Variants in CSMD3 observed in about 807,000 individuals in gnomAD.
The protein encoded by CSMD3 is CUB and sushi domain-containing protein 3.
CSMD3 carries 177 observed loss-of-function variants against 435.2 expected under a neutral mutation model. That is an observed-to-expected ratio of 0.41 (90% CI 0.36 to 0.46). The LOEUF is 0.46. CSMD3 is among the 20% of genes least tolerant of loss of function. The pLI, the probability that CSMD3 is intolerant of heterozygous loss-of-function variation, is 0.34. For missense variants in CSMD3, 4,265 were observed against 4,504.6 expected (o/e 0.95, Z 1.52); for synonymous variants, 1,656 against 1,520.5 (o/e 1.09, Z -2.07).
At chr8:113,060,574 C>T (rs1183704824) in intron 5 of CSMD3, among the ~76,000 whole-genome samples, 3 of 152,172 alleles carry the variant, frequency 2.0e-5, no homozygotes, top group East Asian at 3.9e-4. Context: ...TATAGTAATA[C>T]TTCTCCTTTA....
In CSMD3 at chr8:112,287,236, A is replaced by G. The variant is rs147090926; in HGVS notation, c.9159T>C (p.Thr3053=). 6.2e-7 allele frequency: 1 copy of G among 1,613,630 alleles called. No homozygotes were observed. Among genetic ancestry groups the G allele is most frequent in the Non-Finnish European group, 8.5e-7 (1 of 1,179,714 alleles). Residue 3053 remains threonine (T), a synonymous_variant, in exon 58 of 71, where the codon ACT becomes ACC. Transcript: ENST00000297405. ...GAGTACCTGGATCGCCACATGTCCC[A>G]GTAGCATCACCTGCAATGCAGTACA... The part of the protein sequence containing the change: ...GSQPHCSGDA[T]GTCGDPGTPG...
chr8:113,097,149 A>G (rs1377290574), intron 5 of CSMD3, among the ~76,000 whole-genome samples: 2 of 152,094 alleles, frequency 1.3e-5, no homozygotes, highest in East Asian at 1.9e-4. Context: ...TGACAGAAAC[A>G]AAGAAGTAAA....
At chr8:112,668,490 A>G (rs2075578927) in intron 16 of CSMD3, among the ~76,000 whole-genome samples, 1 of 152,182 alleles carries the variant, frequency 6.6e-6, no homozygotes, top group South Asian at 2.1e-4. Context: ...AGAATTAAAA[A>G]GTAAAGTACT....
At position 112,335,524 on chromosome 8, in the gene CSMD3, A is replaced by G. The variant is rs766767639; in HGVS notation, c.7020-50T>C. ...AGGAGAGATCAAGATTGATTGTGGA[A>G]GTAGTTTTGAACCGTATTTAATAAA... On this transcript the variant is annotated intron_variant, in intron 44 of 70. Coordinates refer to ENST00000297405, the MANE Select transcript of CSMD3 (RefSeq NM_198123.2). 5 of 1,542,056 alleles carry G rather than the reference A, an allele frequency of 3.2e-6. No individual in the cohort carries two copies. The Admixed American group carries it at 8.4e-5, about 26-fold the overall frequency.
chr8:112,977,471 T>C (rs957934980), intron 6 of CSMD3, among the ~76,000 whole-genome samples: 1 of 152,072 alleles, frequency 6.6e-6, no homozygotes, highest in Non-Finnish European at 1.5e-5. Context: ...TCTGCCTTTT[T>C]TATTTTCCTC....
intron 1 of CSMD3, among the ~76,000 whole-genome samples, chr8:113,415,772 G>A (rs529019233): frequency 6.6e-6 from 1 of 152,120 alleles, no homozygotes; most frequent in African/African-American, 2.4e-5. Context: ...GTCATATGCA[G>A]CAGCTGCTTC....
rs1203910909 is a variant in CSMD3, at chr8:112,295,893, A to G, written c.8554T>C (p.Ser2852Pro). 2 of 1,613,996 alleles carry G rather than the reference A, an allele frequency of 1.2e-6. No individual in the cohort carries two copies. Among genetic ancestry groups the G allele is most frequent in the Admixed American group, 1.7e-5 (1 of 60,018 alleles). ...TCCTGTTGACATATCCTCACTGAAG[A>G]ACCAATCAATCGAAAACCAGGATTA... ...QCNPGFRLIG[S>P]SVRICQQDHN... Residue 2852 changes from serine (S) to proline (P), a missense_variant, in exon 54 of 71, where the codon TCT becomes CCT. Coordinates refer to ENST00000297405, the MANE Select transcript of CSMD3 (RefSeq NM_198123.2).
chr8:113,051,665 G>A (rs557230781), intron 5 of CSMD3, among the ~76,000 whole-genome samples: 1 of 152,214 alleles, frequency 6.6e-6, no homozygotes, highest in East Asian at 1.9e-4. Context: ...TGCTACATTT[G>A]TGATAAAGAC....
chr8:112,958,491 G>C (rs1389678602), intron 7 of CSMD3, among the ~76,000 whole-genome samples: 1 of 152,114 alleles, frequency 6.6e-6, no homozygotes, highest in Non-Finnish European at 1.5e-5. Flanking sequence ...TTGTATTAGA[G>C]TAGTTTTAAG....
At chr8:113,326,946 G>GA (rs1421845535) in intron 1 of CSMD3, among the ~76,000 whole-genome samples, 1 of 152,092 alleles carries the variant, frequency 6.6e-6, no homozygotes, top group East Asian at 1.9e-4. Flanking sequence ...AATTAACTCA[G>GA]AAAGTAAAAA....
chr8:112,828,226 A>C (rs2079756353), intron 12 of CSMD3, among the ~76,000 whole-genome samples: 1 of 152,192 alleles, frequency 6.6e-6, no homozygotes, highest in African/African-American at 2.4e-5. Flanking sequence ...GTGCAACAAA[A>C]ATGCTGATCA....
chr8:113,243,428 G>A (rs2093241300), intron 3 of CSMD3, among the ~76,000 whole-genome samples: 1 of 152,004 alleles, frequency 6.6e-6, no homozygotes, highest in South Asian at 2.1e-4. Flanking sequence ...GTTGTAGCAA[G>A]TATCAGTGTG....
intron 9 of CSMD3, among the ~76,000 whole-genome samples, chr8:112,936,095 A>G (rs1444291993): frequency 1.3e-5 from 2 of 152,120 alleles, no homozygotes; most frequent in East Asian, 3.9e-4. Flanking sequence ...ATGCTAATAT[A>G]GTCTGTTGTC....
chr8:112,313,382 A>G (rs1215028662), intron 49 of CSMD3, among the ~76,000 whole-genome samples: 2 of 152,142 alleles, frequency 1.3e-5, no homozygotes, highest in Admixed American at 6.5e-5. Flanking sequence ...TCACAAATAG[A>G]TGGATAAAAA....
chr8:112,779,487 C>T (rs955861082), intron 13 of CSMD3, among the ~76,000 whole-genome samples: 7 of 151,890 alleles, frequency 4.6e-5, no homozygotes, highest in Admixed American at 1.3e-4. Context: ...ATGGCTTTGC[C>T]TACTGGACCA....
chr8:112,343,113 T>C (rs1825337026), intron 41 of CSMD3, among the ~76,000 whole-genome samples: 1 of 149,628 alleles, frequency 6.7e-6, no homozygotes, highest in Admixed American at 6.7e-5. Context: ...TAATCAAGTA[T>C]CTAAATCTCT....
chr8:113,011,252 A>T (rs2086245239), intron 6 of CSMD3, among the ~76,000 whole-genome samples: 1 of 151,848 alleles, frequency 6.6e-6, no homozygotes. Context: ...TTCTAAACAC[A>T]GTTATATGGA....
intron 5 of CSMD3, among the ~76,000 whole-genome samples, chr8:113,056,199 G>A (rs184364480): frequency 2.0e-5 from 3 of 152,164 alleles, no homozygotes; most frequent in African/African-American, 7.2e-5. Context: ...TGCTTGAACA[G>A]AGCAGAGGAA....
At chr8:113,112,308 G>A (rs1263732929) in intron 4 of CSMD3, among the ~76,000 whole-genome samples, 1 of 147,804 alleles carries the variant, frequency 6.8e-6, no homozygotes, top group East Asian at 2.0e-4. Flanking sequence ...CCTAGGATAA[G>A]AGCTTGCCAG....
Sources: gnomAD v4.1 joint callset for allele counts (sites outside exome capture counted in the v4.1 genomes callset) on GRCh38, gnomAD v4.1.1 for gene constraint, MANE v1.5 for transcripts, NCBI Gene and HGNC (gene_info 2026-07-23, HGNC 2026-07-21) for gene names.